PPM1H: variants seen among roughly 807,000 people sequenced by gnomAD.
The protein encoded by PPM1H is protein phosphatase, Mg2+/Mn2+ dependent 1H.
In PPM1H, 27 loss-of-function variants were observed where a neutral mutation model predicts 54.9. The ratio of observed to expected loss-of-function variants is 0.49; its 90% CI spans 0.36 to 0.68. The LOEUF (loss-of-function observed/expected upper bound fraction) is 0.68, where lower values mean the gene tolerates loss of function less well. Among genes scored for constraint, PPM1H ranks in the 30% least tolerant of loss-of-function variants. The pLI is 0.00. For missense variants in PPM1H, 596 were observed against 667.8 expected (o/e 0.89, Z 1.19); for synonymous variants, 305 against 270.8 (o/e 1.13, Z -1.24).
chr12:62,737,458 A>G, intron 5 of PPM1H, 44 bp downstream of exon 5: 2 of 1,371,644 alleles, frequency 1.5e-6, no homozygotes, highest in Non-Finnish European at 1.0e-6. Flanking sequence ...CTCCGATGCC[A>G]TCCCTGATGC....
intron 8 of PPM1H, among the ~76,000 whole-genome samples, chr12:62,683,316 A>G (rs1364128790): frequency 6.6e-6 from 1 of 152,074 alleles, no homozygotes; most frequent in Non-Finnish European, 1.5e-5. Context: ...ACCACGTACC[A>G]CATCTTGTTC....
In PPM1H at chr12:62,916,476, G is replaced by T. The variant is rs1871626269; in HGVS notation, c.245+18016C>A. ...TTAAGTCTATAAGTACCTAACCAAT[G>T]ATATTTACTGAATAGAATAAACTAT... On this transcript the variant is annotated intron_variant, in intron 1 of 9. Coordinates refer to ENST00000228705, the MANE Select transcript of PPM1H (RefSeq NM_020700.2). Among the ~76,000 whole-genome samples, 3 of 152,146 alleles carry T rather than the reference G, an allele frequency of 2.0e-5. No individual in the cohort carries two copies. In the South Asian group the frequency reaches 6.2e-4, roughly 32 times the overall value.
intron 2 of PPM1H, among the ~76,000 whole-genome samples, chr12:62,816,258 C>T (rs1435303331): frequency 6.6e-6 from 1 of 152,156 alleles, no homozygotes; most frequent in Non-Finnish European, 1.5e-5. Context: ...GCTTCCTCAC[C>T]AGTTAAAAAA....
At chr12:62,765,587 T>C (rs563947357) in intron 4 of PPM1H, among the ~76,000 whole-genome samples, 2 of 152,272 alleles carry the variant, frequency 1.3e-5, no homozygotes, top group South Asian at 4.1e-4. Flanking sequence ...AAGATAAGAT[T>C]TGATTCCTGC....
chr12:62,663,877 G>A (rs916089214), intron 9 of PPM1H, among the ~76,000 whole-genome samples: 1 of 152,126 alleles, frequency 6.6e-6, no homozygotes, highest in Non-Finnish European at 1.5e-5. Context: ...TGTAATCCCA[G>A]CTACTAGGGA....
intron 9 of PPM1H, among the ~76,000 whole-genome samples, chr12:62,660,685 C>A (rs1404965836): frequency 1.3e-5 from 2 of 152,228 alleles, no homozygotes; most frequent in South Asian, 4.1e-4. Context: ...ATACAAAAAT[C>A]AAATAATAAA....
rs562570887 is a variant in PPM1H, at chr12:62,848,846, G to A, written c.246-16567C>T. On this transcript the variant is annotated intron_variant, in intron 1 of 9. Coordinates refer to ENST00000228705, the MANE Select transcript of PPM1H (RefSeq NM_020700.2). ...GAGATGGAAAGGGGATCCTAGTGAG[G>A]CATTGAATTATGGTAATAGGAACAT... Among the ~76,000 whole-genome samples, 21 of 152,174 alleles carry A rather than the reference G, an allele frequency of 1.4e-4. 1 individual carries two copies. The South Asian group carries it at 2.9e-3, about 21-fold the overall frequency.
At chr12:62,796,997 A>C (rs2076738149) in intron 3 of PPM1H, among the ~76,000 whole-genome samples, 1 of 152,206 alleles carries the variant, frequency 6.6e-6, no homozygotes, top group Admixed American at 6.5e-5. Flanking sequence ...ACAAAAAGAT[A>C]CTTATCACTT....
chr12:62,709,604 C>T (rs779774336), intron 6 of PPM1H, among the ~76,000 whole-genome samples: 11 of 152,286 alleles, frequency 7.2e-5, no homozygotes, highest in Non-Finnish European at 8.8e-5. Context: ...AATCTCCCCT[C>T]TCAAAACAAC....
chr12:62,838,334 T>TGC (rs1390428033), intron 1 of PPM1H, among the ~76,000 whole-genome samples: 1 of 94,400 alleles, frequency 1.1e-5, no homozygotes, highest in Non-Finnish European at 2.0e-5. Context: ...AGTGTGTGTG[T>TGC]GTGTGGGGGG....
chr12:62,895,515 G>C (rs1375017008), intron 1 of PPM1H, among the ~76,000 whole-genome samples: 1 of 151,772 alleles, frequency 6.6e-6, no homozygotes, highest in Non-Finnish European at 1.5e-5. Flanking sequence ...CTACTGCTAC[G>C]GTTTGCATAG....
chr12:62,648,755 T>G, intron 9 of PPM1H, 119 bp from the exon 10 acceptor site: 1 of 1,127,368 alleles, frequency 8.9e-7, no homozygotes, highest in Admixed American at 2.7e-5. Flanking sequence ...CAAATACACT[T>G]ACAATACGAA....
At chr12:62,749,397 GCACAGGGAGGAAA>G (rs953251725) in intron 4 of PPM1H, among the ~76,000 whole-genome samples, 10 of 152,326 alleles carry the variant, frequency 6.6e-5, no homozygotes, top group African/African-American at 2.4e-4. Flanking sequence ...CAATTTCAAG[GCACAGGGAGGAAA>G]CATCCATTTT....
In PPM1H at chr12:62,801,851, C is replaced by G; in HGVS notation, c.721G>C (p.Val241Leu). 6.2e-7 allele frequency: 1 copy of G among 1,613,944 alleles called. No homozygotes were observed. The highest frequency in any genetic ancestry group is 8.5e-7 in the Non-Finnish European group (1 of 1,179,836). Residue 241 changes from valine to leucine, a missense_variant, in exon 3 of 10, where the codon GTC (valine) becomes CTC (leucine). By Grantham distance (32) the Val-to-Leu change is conservative. This residue lies in a region of PPM1H where 382 missense variants were observed against 387.1 expected (regional missense o/e 0.99). Coordinates refer to ENST00000228705, the MANE Select transcript of PPM1H (RefSeq NM_020700.2). ...AATGCACTTTCAAGCGCTCCGATGA[C>G]CAGGCACTCATGGGGAATCTTCTTC... ...TEKKIPHECL[V>L]IGALESAFKE...
At chr12:62,669,138 T>G (rs947999660) in intron 8 of PPM1H, among the ~76,000 whole-genome samples, 1 of 152,262 alleles carries the variant, frequency 6.6e-6, no homozygotes, top group Non-Finnish European at 1.5e-5. Flanking sequence ...GCTAAACTTA[T>G]GTTCCGGAGA....
chr12:62,901,256 G>A (rs1871158227), intron 1 of PPM1H, among the ~76,000 whole-genome samples: 1 of 152,220 alleles, frequency 6.6e-6, no homozygotes, highest in African/African-American at 2.4e-5. Context: ...AAACCCTTGG[G>A]AGGTGAGCTT....
intron 4 of PPM1H, among the ~76,000 whole-genome samples, chr12:62,742,480 T>C (rs1228169437): frequency 6.6e-6 from 1 of 151,740 alleles, no homozygotes; most frequent in Admixed American, 6.6e-5. Flanking sequence ...ACGAAAGGGG[T>C]TTCAAACGGA....
intron 4 of PPM1H, among the ~76,000 whole-genome samples, chr12:62,752,522 G>C (rs2076448118): frequency 6.6e-6 from 1 of 152,144 alleles, no homozygotes; most frequent in Non-Finnish European, 1.5e-5. Context: ...GATTGACAGG[G>C]GGATTGGGGG....
intron 3 of PPM1H, among the ~76,000 whole-genome samples, chr12:62,798,665 TGG>T (rs996355409): frequency 1.3e-5 from 2 of 152,182 alleles, no homozygotes; most frequent in Non-Finnish European, 2.9e-5. Flanking sequence ...CATCTGGGCC[TGG>T]GTCTCCACAG....
Sources: allele counts gnomAD v4.1 joint callset (sites outside exome capture counted in the v4.1 genomes callset), GRCh38; gene constraint gnomAD v4.1.1; regional missense constraint gnomAD v4.1.1; transcripts MANE v1.5; gene names NCBI Gene and HGNC (gene_info 2026-07-23, HGNC 2026-07-21).